The following GAB1 variants were observed in gnomAD, a reference collection of about 807,000 sequenced individuals.
GAB1 encodes the protein GRB2-associated-binding protein 1.
A neutral mutation model predicts 66.5 loss-of-function variants in GAB1; 19 were observed. That is an observed-to-expected ratio of 0.29 (90% CI 0.20 to 0.42). The LOEUF (loss-of-function observed/expected upper bound fraction) is 0.42. GAB1 is among the 10% of genes least tolerant of loss of function. The pLI, the probability that GAB1 is intolerant of heterozygous loss-of-function variation, is 1.00. For missense variants in GAB1, 732 were observed against 858.5 expected, an observed-to-expected ratio of 0.85 and a Z score of 1.84; for synonymous variants, 294 against 301.4, an observed-to-expected ratio of 0.98 and a Z score of 0.25.
chr4:143,341,454 T>C (rs1728820565), intron 1 of GAB1, among the ~76,000 whole-genome samples: 1 of 152,212 alleles, frequency 6.6e-6, no homozygotes. Flanking sequence ...CTTCCTTGCC[T>C]GAAGCCCAAA....
chr4:143,353,507 G>A (rs1581218725), intron 1 of GAB1, among the ~76,000 whole-genome samples: 1 of 152,074 alleles, frequency 6.6e-6, no homozygotes, highest in African/African-American at 2.4e-5. Flanking sequence ...TGGACCAGGT[G>A]GGAATGGTTA....
At chr4:143,357,291 GT>G (rs1316446560) in intron 1 of GAB1, among the ~76,000 whole-genome samples, 4 of 152,276 alleles carry the variant, frequency 2.6e-5, no homozygotes, top group African/African-American at 9.6e-5. Context: ...CAAGCCTTCA[GT>G]TTTGTGGCCT....
chr4:143,402,709 G>A (rs562503048), intron 1 of GAB1, among the ~76,000 whole-genome samples: 6 of 152,084 alleles, frequency 3.9e-5, no homozygotes, highest in South Asian at 2.1e-4. Context: ...ACCCTTCTTC[G>A]TTCTAGTTAA....
intron 1 of GAB1, among the ~76,000 whole-genome samples, chr4:143,402,216 G>A (rs146095945): frequency 7.2e-4 from 110 of 152,246 alleles, no homozygotes; most frequent in African/African-American, 2.3e-3. Flanking sequence ...CTAATAAAAT[G>A]TTCCTTTGAA....
At chr4:143,347,838 G>A (rs114063108) in intron 1 of GAB1, among the ~76,000 whole-genome samples, 1 of 152,212 alleles carries the variant, frequency 6.6e-6, no homozygotes, top group Non-Finnish European at 1.5e-5. Flanking sequence ...TCAAAGATGA[G>A]GCTGGAGTAA....
At chr4:143,386,267 T>C (rs1422036582) in intron 1 of GAB1, among the ~76,000 whole-genome samples, 1 of 152,218 alleles carries the variant, frequency 6.6e-6, no homozygotes. Context: ...TCAGATTTTT[T>C]TGGGATTTTG....
rs1728668901 is a variant in GAB1, at chr4:143,336,887, G to A, written c.-302G>A. 7.0e-6 allele frequency: 3 copies of A among 427,692 alleles called. No homozygotes were observed. The highest frequency in any genetic ancestry group is 4.2e-5 in the African/African-American group (2 of 47,152). 26.5% of individuals were successfully genotyped at this position (427,692 alleles called of 1,614,324 possible). ...CACCGAGTCGGGGCAGAGTCCCGCT[G>A]AGTCCGAGCGCTGCTGAGGCAGCTG... On this transcript the variant is annotated 5_prime_UTR_variant, in exon 1 of 10. Coordinates refer to ENST00000262994, the MANE Select transcript of GAB1 (RefSeq NM_002039.4).
Position 143,469,231 on chromosome 4 carries a change from G to A in GAB1, c.*42G>A, listed in dbSNP as rs1167523470. 3 of 1,597,674 alleles carry A rather than the reference G, an allele frequency of 1.9e-6. No individual in the cohort carries two copies. The highest frequency in any genetic ancestry group is 1.7e-4 in the Middle Eastern group (1 of 6,020). On this transcript the variant is annotated 3_prime_UTR_variant, in exon 10 of 10. Coordinates refer to ENST00000262994, the MANE Select transcript of GAB1 (RefSeq NM_002039.4). The stretch of plus-strand genomic sequence containing the variant: ...TTTCTGAACAAAAGAAAACTGAATT[G>A]TAAAGATAAATCCCTTTTGAAGAAT...
chr4:143,353,895 C>G (rs984017572), intron 1 of GAB1, among the ~76,000 whole-genome samples: 5 of 152,176 alleles, frequency 3.3e-5, no homozygotes, highest in African/African-American at 9.7e-5. Context: ...CATGTTCTCT[C>G]CCTGCCATCT....
intron 2 of GAB1, among the ~76,000 whole-genome samples, chr4:143,416,452 C>T (rs1732695479): frequency 6.6e-6 from 1 of 150,780 alleles, no homozygotes; most frequent in African/African-American, 2.4e-5. Flanking sequence ...TCTTTAGGTG[C>T]TATTTAAAAA....
rs750189834 is a variant in GAB1 at position 143,337,233 on chromosome 4, C to T, written c.45C>T (p.Ser15=). The T allele has an allele frequency of 1.0e-5, 16 of 1,584,756 alleles. No homozygotes were observed. The highest frequency in any genetic ancestry group is 1.7e-4 in the Middle Eastern group (1 of 6,054). The change falls in exon 1 of 10, where the codon TCC becomes TCT. Residue 15 remains serine, a synonymous_variant. Transcript: ENST00000262994. ...EVVCSGWLRK[S]PPEKKLKRYA... ...TCTGCTCCGGATGGCTCCGCAAGTC[C>T]CCCCCGGAGAAAAAGTTGAAGCGTT...
intron 2 of GAB1, among the ~76,000 whole-genome samples, chr4:143,416,752 C>T (rs966093020): frequency 1.1e-4 from 16 of 152,258 alleles, no homozygotes; most frequent in South Asian, 2.1e-4. Flanking sequence ...CCAGCCTGGG[C>T]GACAGAGCAA....
At chr4:143,428,298 G>T (rs1733470898) in intron 2 of GAB1, among the ~76,000 whole-genome samples, 1 of 152,130 alleles carries the variant, frequency 6.6e-6, no homozygotes, top group African/African-American at 2.4e-5. Context: ...GTGTCTTGGG[G>T]GGTTGTATGG....
intron 2 of GAB1, among the ~76,000 whole-genome samples, chr4:143,427,939 C>G (rs1578699883): frequency 6.6e-6 from 1 of 152,180 alleles, no homozygotes; most frequent in African/African-American, 2.4e-5. Context: ...ATCATTATAT[C>G]CCCAATTCCC....
chr4:143,372,828 T>C (rs1420626031), intron 1 of GAB1, among the ~76,000 whole-genome samples: 3 of 152,156 alleles, frequency 2.0e-5, no homozygotes, highest in African/African-American at 7.2e-5. Context: ...ACCTTTCTGG[T>C]TTTGCCAACA....
chr4:143,455,449 G>A (rs1276921659), intron 6 of GAB1, among the ~76,000 whole-genome samples: 1 of 152,140 alleles, frequency 6.6e-6, no homozygotes, highest in Non-Finnish European at 1.5e-5. Context: ...TACTGGGGTA[G>A]CAAAGCTGAG....
In GAB1 at chr4:143,470,541, T is replaced by A. The variant is rs1474309260; in HGVS notation, c.*1352T>A. 2 of 152,262 alleles carry A rather than the reference T, an allele frequency of 1.3e-5. No individual in the cohort carries two copies. The highest frequency in any genetic ancestry group is 4.8e-5 in the African/African-American group (2 of 41,472). The allele number at this position is 152,262 out of a possible 1,614,324, so 9.4% of individuals were successfully genotyped here. A position where few individuals can be genotyped will look rare whatever the true frequency, so the allele number is the denominator to read the frequency against. On this transcript the variant is annotated 3_prime_UTR_variant, in exon 10 of 10. Coordinates refer to ENST00000262994, the MANE Select transcript of GAB1 (RefSeq NM_002039.4). ...ATAACATGGTCCTGTGACATAGATA[T>A]TAAGACCACAAGTTGTAGTGAGGCT... is the stretch of plus-strand genomic sequence containing the variant.
intron 6 of GAB1, among the ~76,000 whole-genome samples, chr4:143,451,611 A>C (rs555997001): frequency 1.3e-5 from 2 of 152,302 alleles, no homozygotes; most frequent in East Asian, 3.9e-4. Flanking sequence ...AATACAATAG[A>C]GAAAATAATT....
In GAB1 at chr4:143,399,635, T is replaced by C. The variant is rs1731651339; in HGVS notation, c.73-15842T>C. Reference sequence around the variant, plus strand: ...CCAGTATACATTTACATGACATGTTTGCTGCTCCTTCTCTATACTGTGGCG... The same window carrying C: ...CCAGTATACATTTACATGACATGTTCGCTGCTCCTTCTCTATACTGTGGCG... On this transcript the variant is annotated intron_variant, in intron 1 of 9. Coordinates refer to ENST00000262994, the MANE Select transcript of GAB1 (RefSeq NM_002039.4). 2.0e-5 allele frequency among the ~76,000 whole-genome samples: 3 copies of C among 152,230 alleles called. 1 individual carries two copies.
Sources: allele counts gnomAD v4.1 joint callset (sites outside exome capture counted in the v4.1 genomes callset), GRCh38; gene constraint gnomAD v4.1.1; transcripts MANE v1.5; gene names NCBI Gene and HGNC (gene_info 2026-07-23, HGNC 2026-07-21).